Variants in SACS observed in about 807,000 individuals in gnomAD.
The protein encoded by SACS is sacsin molecular chaperone, also known as sacsin.
Under a neutral mutation model 348.0 loss-of-function variants are expected in SACS, and 197 were observed. The observed-to-expected ratio is 0.57, with a 90% CI of 0.50 to 0.64. The LOEUF (loss-of-function observed/expected upper bound fraction) is 0.64, where lower values mean the gene tolerates loss of function less well. Ranked by LOEUF, SACS falls within the 30% of genes least tolerant of loss-of-function variation. The probability of loss-of-function intolerance (pLI) is 0.00; values close to 1 mark genes in which losing one functional copy is unlikely to be tolerated. For synonymous variants in SACS, 1,985 were observed against 1,910.6 expected, an observed-to-expected ratio of 1.04 and a Z score of -1.02; for missense variants, 4,999 against 5,360.8, an observed-to-expected ratio of 0.93 and a Z score of 2.11.
intron 1 of SACS, among the ~76,000 whole-genome samples, chr13:23,415,277 C>T (rs1286978324): frequency 1.3e-5 from 2 of 152,128 alleles, no homozygotes; most frequent in Admixed American, 6.5e-5. Flanking sequence ...GGTGATCCAC[C>T]CACCTCAGCC....
chr13:23,387,126 C>G (rs1458249307), intron 2 of SACS, among the ~76,000 whole-genome samples: 1 of 151,980 alleles, frequency 6.6e-6, no homozygotes, highest in Admixed American at 6.6e-5. Flanking sequence ...TGCCAACAGA[C>G]TTGCTGGATG....
At chr13:23,382,492 AT>A (rs1475850240) in intron 2 of SACS, among the ~76,000 whole-genome samples, 1 of 152,236 alleles carries the variant, frequency 6.6e-6, no homozygotes, top group Non-Finnish European at 1.5e-5. Flanking sequence ...CATTGGATAT[AT>A]TAAATAGTTA....
At chr13:23,426,608 C>A (rs533000920) in intron 1 of SACS, among the ~76,000 whole-genome samples, 19 of 149,822 alleles carry the variant, frequency 1.3e-4, no homozygotes, top group Admixed American at 6.0e-4. Flanking sequence ...CCATTGCACT[C>A]CAGCCTGGGT....
At chr13:23,411,795 T>G (rs1026756472) in intron 1 of SACS, 55 bp from the exon 2 acceptor site, 5 of 155,158 alleles carry the variant, frequency 3.2e-5, no homozygotes, top group African/African-American at 1.2e-4. Flanking sequence ...GCACTTGAAG[T>G]CAATGCACTG....
chr13:23,337,963 T>C lies in SACS; in HGVS notation c.5913A>G (p.Lys1971=). The C allele has an allele frequency of 6.2e-7, 1 of 1,614,026 alleles. No individual in the cohort carries two copies. The highest frequency in any genetic ancestry group is 8.5e-7 in the Non-Finnish European group (1 of 1,179,940). Residue 1971 remains lysine (K), a synonymous_variant, in exon 10 of 10, where the codon AAA becomes AAG. Transcript: ENST00000382292. The part of the protein sequence containing the change: ...QGFYEDIAHG[K]GKELTKVFSD... ...AGAAGACTTTGGTCAGTTCTTTCCC[T>C]TTTCCATGAGCTATATCTTCATAAA...
intron 1 of SACS, among the ~76,000 whole-genome samples, chr13:23,426,007 A>T (rs1023829190): frequency 6.6e-6 from 1 of 152,232 alleles, no homozygotes; most frequent in Non-Finnish European, 1.5e-5. Context: ...TTTCAGTCTC[A>T]TAACAGCCTA....
At chr13:23,425,842 G>A (rs1469954359) in intron 1 of SACS, among the ~76,000 whole-genome samples, 1 of 152,098 alleles carries the variant, frequency 6.6e-6, no homozygotes, top group Non-Finnish European at 1.5e-5. Context: ...GGCCGCCGGG[G>A]GTCTGTGTGA....
chr13:23,391,120 G>A (rs970478007), intron 2 of SACS, among the ~76,000 whole-genome samples: 4 of 152,208 alleles, frequency 2.6e-5, no homozygotes, highest in Admixed American at 6.5e-5. Context: ...CTCATGTGGC[G>A]GAATTTCAAT....
chr13:23,428,031 C>T (rs983018507), intron 1 of SACS: 1 of 152,208 alleles, frequency 6.6e-6, no homozygotes, highest in African/African-American at 2.4e-5. Flanking sequence ...CACAGACACG[C>T]CTCTGCAGCT....
intron 1 of SACS, among the ~76,000 whole-genome samples, chr13:23,420,349 C>A (rs1034798575): frequency 2.6e-5 from 4 of 151,982 alleles, no homozygotes; most frequent in Non-Finnish European, 4.4e-5. Flanking sequence ...AACCTGGGGA[C>A]TAAAGTCTAC....
At position 23,333,499 on chromosome 13, in the gene SACS, T is replaced by C; in HGVS notation, c.10377A>G (p.Leu3459=). The C allele has an allele frequency of 6.2e-7, 1 of 1,613,376 alleles. No homozygotes were observed. Among genetic ancestry groups the C allele is most frequent in the Non-Finnish European group, 8.5e-7 (1 of 1,179,530 alleles). Residue 3459 remains leucine (L), a synonymous_variant, in exon 10 of 10, where the codon TTA becomes TTG. Coordinates refer to ENST00000382292, the MANE Select transcript of SACS (RefSeq NM_014363.6). The stretch of plus-strand genomic sequence containing the variant: ...AACCAATCACCTCATATAGTTCTTT[T>C]AAGTGTATTTTTTCTTCAAGAAATG... ...SSAFLEEKIH[L]KELYEVIGCV... is the part of the protein sequence containing the mutation.
intron 6 of SACS, 40 bp from the exon 7 acceptor site, chr13:23,358,521 A>C (rs1328238380): frequency 6.2e-7 from 1 of 1,609,888 alleles, no homozygotes; most frequent in African/African-American, 1.3e-5. Context: ...CAAAAAAGAT[A>C]CCAGGGTGTT....
Position 23,331,067 on chromosome 13 carries a change from G to A in SACS, c.12809C>T (p.Thr4270Ile), listed in dbSNP as rs778553709. The change falls in exon 10 of 10, where the codon ACC (threonine) becomes ATC (isoleucine). Residue 4270 changes from threonine to isoleucine, a missense_variant. Transcript: ENST00000382292. ...AGGAGGAATGCTTCTCAGGCCAGGG[G>A]TGAGGAACTCAGTGGGGCTGGTTGG... ...STPTSPTEFL[T>I]PGLRSIPPLF... The A allele has an allele frequency of 1.2e-6, 2 of 1,614,096 alleles. No homozygotes were observed. Among genetic ancestry groups the A allele is most frequent in the South Asian group, 1.1e-5 (1 of 91,084 alleles).
intron 2 of SACS, among the ~76,000 whole-genome samples, chr13:23,398,060 G>C (rs1371923364): frequency 1.3e-5 from 2 of 151,850 alleles, no homozygotes; most frequent in African/African-American, 4.8e-5. Flanking sequence ...GCGTGGTGAT[G>C]CATGCCTGTA....
intron 2 of SACS, among the ~76,000 whole-genome samples, chr13:23,392,897 A>G (rs1872582050): frequency 6.6e-6 from 1 of 152,196 alleles, no homozygotes; most frequent in Non-Finnish European, 1.5e-5. Context: ...AAAACATAAG[A>G]TGAAGCCACA....
Position 23,337,852 on chromosome 13 carries a change from G to T in SACS, c.6024C>A (p.Ala2008=). Residue 2008 remains alanine, a synonymous_variant, in exon 10 of 10, where the codon GCC becomes GCA. Coordinates refer to ENST00000382292, the MANE Select transcript of SACS (RefSeq NM_014363.6). ...TGAGGTATTTCAAAAATATCTTGAA[G>T]GCTGCTGAACCAACATCTCTTCTTT... ...ILKRRDVGSA[A]FKIFLKYLKK... 6.2e-7 allele frequency: 1 copy of T among 1,613,846 alleles called. No homozygotes were observed. The highest frequency in any genetic ancestry group is 1.1e-5 in the South Asian group (1 of 91,074).
intron 7 of SACS, 68 bp from the exon 8 acceptor site, chr13:23,356,075 TAAA>T: frequency 7.6e-7 from 1 of 1,318,394 alleles, no homozygotes; most frequent in Non-Finnish European, 1.1e-6. Flanking sequence ...ACAATTATAA[TAAA>T]TATATGAAAA....
chr13:23,377,414 G>T (rs1040549326), intron 2 of SACS, among the ~76,000 whole-genome samples: 2 of 152,148 alleles, frequency 1.3e-5, no homozygotes, highest in Admixed American at 6.5e-5. Context: ...CGTGGAGCCT[G>T]GTGGTTGGTT....
intron 2 of SACS, among the ~76,000 whole-genome samples, chr13:23,389,765 T>C (rs960028259): frequency 2.0e-5 from 3 of 152,262 alleles, no homozygotes; most frequent in Admixed American, 6.5e-5. Flanking sequence ...TCTGTTCTTT[T>C]TGTATTCTGC....
Sources: allele counts gnomAD v4.1 joint callset (sites outside exome capture counted in the v4.1 genomes callset), GRCh38; gene constraint gnomAD v4.1.1; transcripts MANE v1.5; gene names NCBI Gene and HGNC (gene_info 2026-07-23, HGNC 2026-07-21).